SH3D19: variants seen among roughly 807,000 people sequenced by gnomAD.
SH3D19 encodes the protein SH3 domain containing 19.
A neutral mutation model predicts 112.1 loss-of-function variants in SH3D19; 58 were observed. That is an observed-to-expected ratio of 0.52 (90% CI 0.42 to 0.64). The LOEUF is 0.64. SH3D19 is among the 30% of genes least tolerant of loss of function. SH3D19 has a pLI of 0.00. For synonymous variants in SH3D19, 391 were observed against 448.5 expected, an observed-to-expected ratio of 0.87 and a Z score of 1.62; for missense variants, 1,090 against 1,263.4, an observed-to-expected ratio of 0.86 and a Z score of 2.08.
chr4:151,307,270 C>T (rs191483287), intron 1 of SH3D19, among the ~76,000 whole-genome samples: 40 of 152,272 alleles, frequency 2.6e-4, no homozygotes, highest in African/African-American at 8.7e-4. Flanking sequence ...GATCCGCCCG[C>T]CTCGGCCTCC....
In SH3D19 at chr4:151,231,281, C is replaced by T. The variant is rs1055218186; in HGVS notation, c.113-5195G>A. Among the ~76,000 whole-genome samples, 9 of 152,212 alleles carry T rather than the reference C, an allele frequency of 5.9e-5. No homozygotes were observed. In the East Asian group the frequency reaches 1.7e-3, roughly 29 times the overall value. ...GGATGGGATTTTACTTATCAGATAT[C>T]AGAATTTCAAATAACTTTTCTAAAA... On this transcript the variant is annotated intron_variant, in intron 1 of 19. Coordinates refer to ENST00000604030, the MANE Select transcript of SH3D19 (RefSeq NM_001378122.1).
intron 9 of SH3D19, among the ~76,000 whole-genome samples, chr4:151,152,293 C>T (rs1343656465): frequency 1.3e-5 from 2 of 152,190 alleles, no homozygotes; most frequent in Non-Finnish European, 2.9e-5. Context: ...GTATTCCACA[C>T]ATAACCTCAA....
chr4:151,198,244 G>A (rs1053415189), intron 2 of SH3D19, among the ~76,000 whole-genome samples: 15 of 149,440 alleles, frequency 1.0e-4, no homozygotes, highest in African/African-American at 2.5e-4. Flanking sequence ...GGTGGAGGTT[G>A]CAGTGAGCTG....
intron 1 of SH3D19, among the ~76,000 whole-genome samples, chr4:151,271,825 T>G (rs1183933090): frequency 6.6e-6 from 1 of 152,234 alleles, no homozygotes; most frequent in Non-Finnish European, 1.5e-5. Context: ...CTCTATAATA[T>G]CTCATTTCTT....
At chr4:151,144,421 G>C in intron 11 of SH3D19, 1 of 756,494 alleles carries the variant, frequency 1.3e-6, no homozygotes, top group South Asian at 1.6e-5. Flanking sequence ...TGGCTTCATC[G>C]CGCTCTAGAT....
chr4:151,298,428 G>A (rs565106869), intron 1 of SH3D19, among the ~76,000 whole-genome samples: 7 of 150,176 alleles, frequency 4.7e-5, no homozygotes, highest in Admixed American at 6.7e-5. Flanking sequence ...CTCCCGCCTC[G>A]GCCTCCCAAA....
intron 3 of SH3D19, among the ~76,000 whole-genome samples, chr4:151,181,143 A>G (rs1760874652): frequency 6.6e-6 from 1 of 152,154 alleles, no homozygotes; most frequent in South Asian, 2.1e-4. Context: ...ACTATAGTGT[A>G]AAGATCTGTG....
At chr4:151,185,036 T>C (rs1285714074) in intron 3 of SH3D19, among the ~76,000 whole-genome samples, 2 of 113,202 alleles carry the variant, frequency 1.8e-5, no homozygotes, top group Non-Finnish European at 3.5e-5. Context: ...CACAGCTGTG[T>C]CCTGTTTTTT....
chr4:151,123,201 CAGAT>C (rs1748411061), intron 19 of SH3D19, among the ~76,000 whole-genome samples: 1 of 152,142 alleles, frequency 6.6e-6, no homozygotes, highest in Admixed American at 6.6e-5. Flanking sequence ...AACCAAAACT[CAGAT>C]AGACTACATA....
chr4:151,286,363 GA>G (rs886546047), intron 1 of SH3D19, among the ~76,000 whole-genome samples: 24 of 142,154 alleles, frequency 1.7e-4, no homozygotes, highest in Admixed American at 2.1e-4. Flanking sequence ...AACTGAGCAA[GA>G]AAAAAAAAAG....
intron 1 of SH3D19, among the ~76,000 whole-genome samples, chr4:151,307,001 C>A (rs1288906537): frequency 2.6e-5 from 4 of 150,988 alleles, no homozygotes; most frequent in African/African-American, 9.7e-5. Context: ...GCTGCAATCA[C>A]TCCTAATGAT....
In SH3D19 at chr4:151,128,227, C is replaced by G. The variant is rs749904082; in HGVS notation, c.2872G>C (p.Gly958Arg). 1 of 1,614,114 alleles carries G rather than the reference C, an allele frequency of 6.2e-7. No individual in the cohort carries two copies. Among genetic ancestry groups the G allele is most frequent in the South Asian group, 1.1e-5 (1 of 91,048 alleles). ...ATCCCCTCCCTGTCCTGCAGTCTGCCCCTGCACCAGTCAGAATCCAGACGT... is the reference window on the plus strand; with the variant it reads ...ATCCCCTCCCTGTCCTGCAGTCTGCGCCTGCACCAGTCAGAATCCAGACGT... ...LERLDSDWCR[G>R]RLQDREGIFP... Residue 958 changes from glycine to arginine, a missense_variant, in exon 18 of 20, where the codon GGC becomes CGC. By Grantham distance (125) the Gly-to-Arg change is moderately radical. Transcript: ENST00000604030.
intron 1 of SH3D19, among the ~76,000 whole-genome samples, chr4:151,235,795 T>A (rs1337992359): frequency 3.9e-5 from 6 of 151,912 alleles, no homozygotes; most frequent in East Asian, 1.9e-4. Flanking sequence ...CAAAAAAAAA[T>A]TTTTTTTCTT....
intron 1 of SH3D19, among the ~76,000 whole-genome samples, chr4:151,243,793 A>G (rs894209821): frequency 3.3e-5 from 5 of 152,222 alleles, no homozygotes; most frequent in African/African-American, 1.2e-4. Flanking sequence ...GTATTGAGGA[A>G]AATTGCTATT....
chr4:151,208,363 A>T lies in SH3D19; in HGVS notation c.152+17684T>A, dbSNP rs938154968. Among the ~76,000 whole-genome samples the T allele has an allele frequency of 2.0e-5, 3 of 152,222 alleles. No individual in the cohort carries two copies. In the South Asian group the frequency reaches 6.2e-4, roughly 32 times the overall value. ...ATCACATAAATATTTCCCTGCAATA[A>T]ATCTTTATCTCTCTCTTTTTTTTAA... is the stretch of plus-strand genomic sequence containing the variant. On this transcript the variant is annotated intron_variant, in intron 2 of 19. Transcript: ENST00000604030.
At chr4:151,127,536 A>G in intron 19 of SH3D19, 82 bp downstream of exon 19, 2 of 766,254 alleles carry the variant, frequency 2.6e-6, no homozygotes, top group Non-Finnish European at 4.1e-6. Context: ...TTAATATTCC[A>G]CCCAAATGTT....
rs200386016 is a variant in SH3D19 at position 151,221,345 on chromosome 4, T to A, written c.152+4702A>T. ...ATGACTTTTTGTTTATATTTTCTTC[T>A]TTCTGCTCTGTTGATGCAGCAGGTA... On this transcript the variant is annotated intron_variant, in intron 2 of 19. Transcript: ENST00000604030. 9.8e-4 allele frequency among the ~76,000 whole-genome samples: 10 copies of A among 10,186 alleles called. No individual in the cohort carries two copies. The Admixed American group carries it at 0.029, about 29-fold the overall frequency. The allele number at this position is 10,186 out of a possible 152,430, so 6.7% of individuals were successfully genotyped here. A position where few individuals can be genotyped will look rare whatever the true frequency, so the allele number is the denominator to read the frequency against.
intron 2 of SH3D19, among the ~76,000 whole-genome samples, chr4:151,213,669 T>C (rs1766348644): frequency 6.8e-6 from 1 of 146,752 alleles, no homozygotes; most frequent in Admixed American, 6.8e-5. Context: ...ATAATATGAA[T>C]TAATTAATTA....
At chr4:151,212,455 T>C (rs1036264102) in intron 2 of SH3D19, among the ~76,000 whole-genome samples, 2 of 152,188 alleles carry the variant, frequency 1.3e-5, no homozygotes, top group East Asian at 3.8e-4. Context: ...TTTACCATGT[T>C]GAAACTCCTA....
Sources: gnomAD v4.1 joint callset for allele counts (sites outside exome capture counted in the v4.1 genomes callset) on GRCh38, gnomAD v4.1.1 for gene constraint, MANE v1.5 for transcripts, NCBI Gene and HGNC (gene_info 2026-07-23, HGNC 2026-07-21) for gene names.